FAM135B: variants seen among roughly 807,000 people sequenced by gnomAD.
FAM135B encodes protein FAM135B.
A neutral mutation model predicts 127.7 loss-of-function variants in FAM135B; 43 were observed. That is an observed-to-expected ratio of 0.34 (90% confidence interval 0.26 to 0.43). The LOEUF (loss-of-function observed/expected upper bound fraction) is 0.43. Among genes scored for constraint, FAM135B ranks in the 20% least tolerant of loss-of-function variants. The probability of loss-of-function intolerance (pLI) is 1.00; values close to 1 mark genes in which losing one functional copy is unlikely to be tolerated. For synonymous variants in FAM135B, 670 were observed against 665.1 expected, an observed-to-expected ratio of 1.01 and a Z score of -0.11; for missense variants, 1,558 against 1,725.6, an observed-to-expected ratio of 0.90 and a Z score of 1.72.
At chr8:138,231,118 C>T (rs982069569) in intron 7 of FAM135B, among the ~76,000 whole-genome samples, 12 of 152,074 alleles carry the variant, frequency 7.9e-5, no homozygotes, top group Admixed American at 2.0e-4. Flanking sequence ...CAACGGGGTT[C>T]AAGCAATTCT....
intron 4 of FAM135B, among the ~76,000 whole-genome samples, chr8:138,258,176 T>C (rs1586903840): frequency 6.6e-6 from 1 of 152,200 alleles, no homozygotes. Flanking sequence ...TATCAATGCA[T>C]CTTTGCGGAA....
intron 7 of FAM135B, among the ~76,000 whole-genome samples, chr8:138,222,340 AC>A (rs1265996909): frequency 6.6e-6 from 1 of 152,082 alleles, no homozygotes; most frequent in Non-Finnish European, 1.5e-5. Context: ...CACAATTGCA[AC>A]TCATAACTAA....
At position 138,246,600 on chromosome 8, in the gene FAM135B, A is replaced by G. The variant is rs1208740349; in HGVS notation, c.543-3532T>C. 6.6e-5 allele frequency among the ~76,000 whole-genome samples: 10 copies of G among 152,328 alleles called. No individual in the cohort carries two copies. The East Asian group carries it at 1.5e-3, about 24-fold the overall frequency. On this transcript the variant is annotated intron_variant, in intron 6 of 19. Coordinates refer to ENST00000395297, the MANE Select transcript of FAM135B (RefSeq NM_015912.4). ...TATGGAAACTCCTGGATGTCCAGGCAGAAGTTTGCTGCAGGAGCAGACCCC... is the reference window on the plus strand; with the variant it reads ...TATGGAAACTCCTGGATGTCCAGGCGGAAGTTTGCTGCAGGAGCAGACCCC...
chr8:138,181,112 G>C (rs892705385), intron 9 of FAM135B, among the ~76,000 whole-genome samples: 1 of 151,956 alleles, frequency 6.6e-6, no homozygotes, highest in Non-Finnish European at 1.5e-5. Flanking sequence ...ATGGTGGCAG[G>C]TGCCTATAGT....
intron 1 of FAM135B, among the ~76,000 whole-genome samples, chr8:138,422,377 T>A (rs949220318): frequency 6.6e-6 from 1 of 152,158 alleles, no homozygotes; most frequent in East Asian, 1.9e-4. Flanking sequence ...ATTTGTCTAA[T>A]AAGGGTCTAA....
At chr8:138,262,262 G>C (rs970999744) in intron 4 of FAM135B, among the ~76,000 whole-genome samples, 1 of 152,182 alleles carries the variant, frequency 6.6e-6, no homozygotes, top group Admixed American at 6.5e-5. Flanking sequence ...AATTAAGATG[G>C]AGCAATGGCC....
intron 2 of FAM135B, among the ~76,000 whole-genome samples, chr8:138,311,852 G>A (rs16908805): frequency 0.085 from 12,940 of 152,114 alleles, 997 homozygotes; most frequent in East Asian, 0.26. Flanking sequence ...GGGCACTGGC[G>A]CTGGATTCAT....
At chr8:138,478,457 A>T (rs1207105747) in intron 1 of FAM135B, among the ~76,000 whole-genome samples, 1 of 152,148 alleles carries the variant, frequency 6.6e-6, no homozygotes, top group Non-Finnish European at 1.5e-5. Context: ...ACTTCCAGAG[A>T]GCACCCTATG....
chr8:138,451,305 T>C (rs1235732131), intron 1 of FAM135B, among the ~76,000 whole-genome samples: 2 of 152,228 alleles, frequency 1.3e-5, no homozygotes, highest in Admixed American at 6.5e-5. Flanking sequence ...ACCAAGAACC[T>C]TGACTGACAC....
At chr8:138,462,093 C>T (rs549639005) in intron 1 of FAM135B, among the ~76,000 whole-genome samples, 7 of 152,106 alleles carry the variant, frequency 4.6e-5, no homozygotes, top group African/African-American at 1.7e-4. Flanking sequence ...AATGTAAATA[C>T]TTCCAGAAAC....
intron 1 of FAM135B, among the ~76,000 whole-genome samples, chr8:138,467,226 C>T (rs1378565379): frequency 1.3e-5 from 2 of 152,064 alleles, no homozygotes; most frequent in Non-Finnish European, 1.5e-5. Flanking sequence ...CTCAGTCTAA[C>T]CACAGGGTTC....
intron 3 of FAM135B, among the ~76,000 whole-genome samples, chr8:138,266,331 G>A (rs971598806): frequency 3.1e-4 from 47 of 152,142 alleles, no homozygotes; most frequent in African/African-American, 8.2e-4. Context: ...TCTGTCTTGC[G>A]TTTTAGGAAA....
intron 3 of FAM135B, among the ~76,000 whole-genome samples, chr8:138,306,263 C>T (rs1254915604): frequency 6.6e-6 from 1 of 151,728 alleles, no homozygotes; most frequent in Non-Finnish European, 1.5e-5. Flanking sequence ...GGTAAAACTC[C>T]ATCTCTACTA....
At chr8:138,429,664 T>C (rs1280420960) in intron 1 of FAM135B, among the ~76,000 whole-genome samples, 1 of 152,168 alleles carries the variant, frequency 6.6e-6, no homozygotes, top group East Asian at 1.9e-4. Flanking sequence ...AAATCCAATA[T>C]GATGACTGTG....
intron 16 of FAM135B, 68 bp downstream of exon 16, chr8:138,142,944 T>C: frequency 1.2e-6 from 1 of 822,052 alleles, no homozygotes. Flanking sequence ...TTATTGCTTT[T>C]ATACAGCAAA....
At chr8:138,253,571 G>A (rs999915366) in intron 5 of FAM135B, among the ~76,000 whole-genome samples, 6 of 152,118 alleles carry the variant, frequency 3.9e-5, no homozygotes, top group Non-Finnish European at 7.4e-5. Flanking sequence ...CCTTCTTTCT[G>A]ATCTATAAAG....
At chr8:138,207,655 T>C (rs549954308) in intron 7 of FAM135B, among the ~76,000 whole-genome samples, 1 of 152,278 alleles carries the variant, frequency 6.6e-6, no homozygotes, top group South Asian at 2.1e-4. Flanking sequence ...GGAAGGCACA[T>C]ACTGTGGGTG....
chr8:138,150,059 T>G (rs538523193), intron 13 of FAM135B, among the ~76,000 whole-genome samples: 1 of 152,236 alleles, frequency 6.6e-6, no homozygotes, highest in Non-Finnish European at 1.5e-5. Context: ...ACCGTTAATA[T>G]GTAACTCTTT....
chr8:138,470,082 C>T (rs1837596787), intron 1 of FAM135B, among the ~76,000 whole-genome samples: 1 of 152,104 alleles, frequency 6.6e-6, no homozygotes, highest in Admixed American at 6.5e-5. Context: ...GAAATAAATG[C>T]AAGACTTAAG....
Sources: allele counts gnomAD v4.1 joint callset (sites outside exome capture counted in the v4.1 genomes callset), GRCh38; gene constraint gnomAD v4.1.1; transcripts MANE v1.5; gene names NCBI Gene and HGNC (gene_info 2026-07-23, HGNC 2026-07-21).